Variants in ATP6V0A4 observed in about 807,000 individuals in gnomAD.
ATP6V0A4 encodes ATPase H+ transporting V0 subunit a4.
ATP6V0A4 carries 86 observed loss-of-function variants against 107.3 expected under a neutral mutation model. The ratio of observed to expected loss-of-function variants is 0.80; its 90% confidence interval spans 0.67 to 0.96. The LOEUF (loss-of-function observed/expected upper bound fraction) is 0.96. Among genes scored for constraint, ATP6V0A4 ranks in the 40% least tolerant of loss-of-function variants. The pLI, the probability that ATP6V0A4 is intolerant of heterozygous loss-of-function variation, is 0.00. For missense variants in ATP6V0A4, 908 were observed against 1,045.6 expected (o/e 0.87, Z 1.81); for synonymous variants, 353 against 381.4 (o/e 0.93, Z 0.87).
In ATP6V0A4 at chr7:138,769,218, A is replaced by G. The variant is rs780135307; in HGVS notation, c.151T>C (p.Phe51Leu). 1.2e-6 allele frequency: 2 copies of G among 1,612,504 alleles called. No homozygotes were observed. Among genetic ancestry groups the G allele is most frequent in the Non-Finnish European group, 8.5e-7 (1 of 1,179,900 alleles). Residue 51 changes from phenylalanine to leucine, a missense_variant, in exon 4 of 22, where the codon TTT (phenylalanine) becomes CTT (leucine). By Grantham distance (22) the Phe-to-Leu change is conservative. Transcript: ENST00000310018. ...NMNVNSFQRKFVNEVRRCESL... is the reference protein window; with the variant it reads ...NMNVNSFQRKLVNEVRRCESL... ...TCACACCTTCTGACTTCATTCACAA[A>G]TTTCCTTTGAAAGCTGTTCACATTC...
At chr7:138,772,316 T>C (rs1443474756) in intron 2 of ATP6V0A4, among the ~76,000 whole-genome samples, 1 of 152,164 alleles carries the variant, frequency 6.6e-6, no homozygotes, top group Non-Finnish European at 1.5e-5. Context: ...TATGTAATAA[T>C]TATAGTAAAT....
chr7:138,720,385 C>A (rs950084191), intron 19 of ATP6V0A4, among the ~76,000 whole-genome samples: 3 of 152,088 alleles, frequency 2.0e-5, no homozygotes, highest in Admixed American at 2.0e-4. Flanking sequence ...GGGCAGCCTG[C>A]TCATGTTGGA....
rs1337346118 is a variant in ATP6V0A4, at chr7:138,749,246, G to T, written c.1101C>A (p.Asn367Lys). 2 of 1,579,834 alleles carry T rather than the reference G, an allele frequency of 1.3e-6. No individual in the cohort carries two copies. The highest frequency in any genetic ancestry group is 2.2e-5 in the South Asian group (2 of 90,436). ...AGCCAGCTGTGAATTTATTGGTCCT[G>T]TTAAATGTGGGAGGGGCTGTTTTAG... ...VQSKTAPPTF[N>K]RTNKFTAGFQ... Residue 367 changes from asparagine to lysine, a missense_variant, in exon 12 of 22, where the codon AAC becomes AAA. Transcript: ENST00000310018.
At chr7:138,771,331 A>T in intron 2 of ATP6V0A4, 67 bp from the exon 3 acceptor site, 1 of 1,544,700 alleles carries the variant, frequency 6.5e-7, no homozygotes, top group Non-Finnish European at 8.8e-7. Context: ...TTAGGGTGAA[A>T]TTTTTAAGTT....
intron 8 of ATP6V0A4, among the ~76,000 whole-genome samples, chr7:138,759,542 G>A (rs1214724158): frequency 6.6e-6 from 1 of 151,952 alleles, no homozygotes; most frequent in Non-Finnish European, 1.5e-5. Context: ...CAGTTATGAG[G>A]TGTTGACAAG....
intron 15 of ATP6V0A4, among the ~76,000 whole-genome samples, chr7:138,736,322 G>A (rs1009429644): frequency 6.6e-6 from 1 of 152,074 alleles, no homozygotes; most frequent in African/African-American, 2.4e-5. Flanking sequence ...ATTTAGATGT[G>A]TTTATCTCAT....
chr7:138,749,249 A>G lies in ATP6V0A4; in HGVS notation c.1098T>C (p.Phe366=), dbSNP rs886062013. ...TVQSKTAPPT[F]NRTNKFTAGF... ...CAGCTGTGAATTTATTGGTCCTGTTAAATGTGGGAGGGGCTGTTTTAGATT... is the reference window on the plus strand; with the variant it reads ...CAGCTGTGAATTTATTGGTCCTGTTGAATGTGGGAGGGGCTGTTTTAGATT... The change falls in exon 12 of 22, where the codon TTT becomes TTC. Residue 366 remains phenylalanine (F), a synonymous_variant. Transcript: ENST00000310018. The G allele has an allele frequency of 1.2e-6, 2 of 1,613,126 alleles. No individual in the cohort carries two copies. Among genetic ancestry groups the G allele is most frequent in the East Asian group, 4.5e-5 (2 of 44,824 alleles).
At chr7:138,728,429 G>A (rs146506893) in intron 18 of ATP6V0A4, among the ~76,000 whole-genome samples, 3 of 151,948 alleles carry the variant, frequency 2.0e-5, no homozygotes, top group East Asian at 1.9e-4. Flanking sequence ...GTTTCGCCAC[G>A]TTAGCCAGGC....
intron 10 of ATP6V0A4, among the ~76,000 whole-genome samples, chr7:138,754,050 C>T (rs1392557639): frequency 3.9e-5 from 6 of 152,042 alleles, no homozygotes; most frequent in South Asian, 2.1e-4. Context: ...CTCCTCATGA[C>T]GTTTTCATAA....
At chr7:138,735,130 C>T (rs1805249151) in intron 15 of ATP6V0A4, among the ~76,000 whole-genome samples, 2 of 152,262 alleles carry the variant, frequency 1.3e-5, no homozygotes, top group South Asian at 2.1e-4. Context: ...AGGAAAAGCA[C>T]ACTGGGTGGT....
Position 138,707,068 on chromosome 7 carries a change from A to ATGTGTGTG in ATP6V0A4, c.2430-359_2430-352dup, listed in dbSNP as rs10669320. 2.4e-4 allele frequency among the ~76,000 whole-genome samples: 22 copies of ATGTGTGTG among 90,090 alleles called. 1 individual carries two copies. Among genetic ancestry groups the ATGTGTGTG allele is most frequent in the African/African-American group, 9.2e-4 (18 of 19,570 alleles). 59.1% of individuals were successfully genotyped at this position (90,090 alleles called of 152,430 possible). On this transcript the variant is annotated intron_variant, in intron 21 of 21. Coordinates refer to ENST00000310018, the MANE Select transcript of ATP6V0A4 (RefSeq NM_020632.3). ...ATACCACCATGCCTAGCTAATTTAT[A>ATGTGTGTG]TGTGTGTGTGTGTGTGTGTGTGTGT...
At chr7:138,786,043 C>T (rs1178718726) in intron 2 of ATP6V0A4, 115 bp downstream of exon 2, 1 of 152,598 alleles carries the variant, frequency 6.6e-6, no homozygotes, top group Non-Finnish European at 1.5e-5. Context: ...GCTCCACTCT[C>T]CTCTACTCTC....
At chr7:138,797,344 A>G (rs1300713636) in intron 1 of ATP6V0A4, among the ~76,000 whole-genome samples, 2 of 151,186 alleles carry the variant, frequency 1.3e-5, no homozygotes, top group Non-Finnish European at 2.9e-5. Flanking sequence ...CAGCTTCCCA[A>G]GTGGCTGGGA....
chr7:138,734,832 T>G (rs1584910015), intron 15 of ATP6V0A4, among the ~76,000 whole-genome samples: 1 of 150,278 alleles, frequency 6.7e-6, no homozygotes, highest in Admixed American at 6.6e-5. Flanking sequence ...TACGGCAAGA[T>G]CTCAAACTTG....
At chr7:138,772,279 T>A (rs1012801756) in intron 2 of ATP6V0A4, among the ~76,000 whole-genome samples, 1 of 152,124 alleles carries the variant, frequency 6.6e-6, no homozygotes, top group African/African-American at 2.4e-5. Flanking sequence ...GAGAAACAGA[T>A]GAACAAGAAT....
At position 138,706,579 on chromosome 7, in the gene ATP6V0A4, T is replaced by C; in HGVS notation, c.*45A>G. 6.2e-7 allele frequency: 1 copy of C among 1,609,048 alleles called. No individual in the cohort carries two copies. The highest frequency in any genetic ancestry group is 8.5e-7 in the Non-Finnish European group (1 of 1,176,132). On this transcript the variant is annotated 3_prime_UTR_variant, in exon 22 of 22. Transcript: ENST00000310018. ...CTGATATCAAAGACAAGACTGAACT[T>C]CCTTCATTGGCATGGTGACCACCGT... is the stretch of plus-strand genomic sequence containing the variant.
intron 9 of ATP6V0A4, 131 bp from the exon 10 acceptor site, chr7:138,755,913 T>C: frequency 6.6e-7 from 1 of 1,507,316 alleles, no homozygotes; most frequent in Non-Finnish European, 8.9e-7. Context: ...ACTGCGTCTT[T>C]GGCCACTGGA....
intron 1 of ATP6V0A4, among the ~76,000 whole-genome samples, chr7:138,790,996 T>C (rs559528052): frequency 6.6e-6 from 1 of 152,060 alleles, no homozygotes; most frequent in South Asian, 2.1e-4. Flanking sequence ...CATGATCATA[T>C]GAATGAAAAC....
chr7:138,760,758 G>T (rs1166427198), intron 7 of ATP6V0A4, among the ~76,000 whole-genome samples: 1 of 151,750 alleles, frequency 6.6e-6, no homozygotes, highest in Admixed American at 6.6e-5. Flanking sequence ...TCAATGCCTA[G>T]TGCCTCAAAT....
Sources: gnomAD v4.1 joint callset for allele counts (sites outside exome capture counted in the v4.1 genomes callset) on GRCh38, gnomAD v4.1.1 for gene constraint, MANE v1.5 for transcripts, NCBI Gene and HGNC (gene_info 2026-07-23, HGNC 2026-07-21) for gene names.